The following PRSS22 variants were observed in gnomAD, a reference collection of about 807,000 sequenced individuals.
PRSS22 encodes the protein brain-specific serine protease 4.
A neutral mutation model predicts 28.0 loss-of-function variants in PRSS22; 26 were observed. The observed-to-expected ratio is 0.93, with a 90% confidence interval of 0.68 to 1.29. The LOEUF is 1.29. PRSS22 is among the 50% of genes most tolerant of loss of function. PRSS22 has a pLI of 0.00. For missense variants in PRSS22, 444 were observed against 422.1 expected (o/e 1.05, Z -0.46); for synonymous variants, 217 against 177.9 (o/e 1.22, Z -1.75).
intron 1 of PRSS22, chr16:2,857,188 GTCCCCA>G (rs2069467147): frequency 2.5e-5 from 8 of 325,608 alleles, no homozygotes; most frequent in Admixed American, 4.8e-5. Flanking sequence ...GTGAGGAGGG[GTCCCCA>G]GCGCCCAGTG....
At chr16:2,857,771 G>C (rs1479655588) in intron 1 of PRSS22, 1 of 367,032 alleles carries the variant, frequency 2.7e-6, no homozygotes, top group South Asian at 1.5e-4. Flanking sequence ...ACGGAGGCGA[G>C]AGGGAGCAGG....
chr16:2,855,315 T>C (rs1191521709), intron 4 of PRSS22, among the ~76,000 whole-genome samples: 3 of 126,104 alleles, frequency 2.4e-5, no homozygotes, highest in Admixed American at 1.0e-4. Flanking sequence ...ACCACTGCAC[T>C]CCAGCCTGGG....
rs2069424350 is a variant in PRSS22 at position 2,853,314 on chromosome 16, G to T, written c.733C>A (p.Pro245Thr). Residue 245 changes from proline (P) to threonine (T), a missense_variant, in exon 6 of 6, where the codon CCC becomes ACC. Pro to Thr is a conservative substitution (Grantham distance 38). Coordinates refer to ENST00000161006, the MANE Select transcript of PRSS22 (RefSeq NM_022119.4). The surrounding 1 kb of genome is among the most constrained non-coding windows in gnomAD (Gnocchi z 4.6). ...GCGCCGTCCACCTGGCACATGAGGG[G>T]GCCCCCGGAGTCGCCCTGCAGAGAG... ...RDACLGDSGG[P>T]LMCQVDGAWL... 3 of 1,597,076 alleles carry T rather than the reference G, an allele frequency of 1.9e-6. No homozygotes were observed. The highest frequency in any genetic ancestry group is 2.5e-6 in the Non-Finnish European group (3 of 1,178,772).
At chr16:2,857,836 TTTTC>T in intron 1 of PRSS22, 183 bp downstream of exon 1, 2 of 431,520 alleles carry the variant, frequency 4.6e-6, no homozygotes, top group Non-Finnish European at 7.8e-6. Context: ...ACTTGCTGCG[TTTTC>T]TGTTTCATCC....
In PRSS22 at chr16:2,853,222, G is replaced by A; in HGVS notation, c.825C>T (p.Tyr275=). The A allele has an allele frequency of 6.2e-7, 1 of 1,600,812 alleles. No homozygotes were observed. Among genetic ancestry groups the A allele is most frequent in the Admixed American group, 1.7e-5 (1 of 60,002 alleles). The change falls in exon 6 of 6, where the codon TAC becomes TAT. Residue 275 remains tyrosine, a synonymous_variant. Transcript: ENST00000161006. This position sits in a 1 kb window ranked among gnomAD's most constrained non-coding sequence, Gnocchi z 4.6. ...AGGAGCGGTGCGCAGAGAGGCTGAT[G>A]TAGACCCCGGGCCTGTTGCGCTCGG... is the stretch of plus-strand genomic sequence containing the variant. ...GCAERNRPGV[Y]ISLSAHRSWV... is the part of the protein sequence containing the mutation.
Position 2,856,244 on chromosome 16 carries a change from G to C in PRSS22, c.119C>G (p.Ala40Gly). ...GTTCAGCTGCTGGGGCTTCCCACAG[G>C]CTGGGGGAACTGGAGGGTACGGTCA... is the stretch of plus-strand genomic sequence containing the variant. ...LNAARIPVPP[A>G]CGKPQQLNRV... is the part of the protein sequence containing the mutation. The change falls in exon 3 of 6, where the codon GCC (alanine) becomes GGC (glycine). Residue 40 changes from alanine to glycine, a missense_variant. Transcript: ENST00000161006. The C allele has an allele frequency of 6.2e-7, 1 of 1,613,394 alleles. No individual in the cohort carries two copies. Among genetic ancestry groups the C allele is most frequent in the Admixed American group, 1.7e-5 (1 of 60,008 alleles).
intron 2 of PRSS22, 38 bp from the exon 3 acceptor site, chr16:2,856,291 C>G (rs761992493): frequency 6.2e-7 from 1 of 1,606,584 alleles, no homozygotes; most frequent in South Asian, 1.1e-5. Flanking sequence ...CTCCAACTTC[C>G]TACAACCCAC....
At position 2,856,078 on chromosome 16, in the gene PRSS22, A is replaced by G; in HGVS notation, c.281+4T>C. 2 of 1,613,598 alleles carry G rather than the reference A, an allele frequency of 1.2e-6. No individual in the cohort carries two copies. The highest frequency in any genetic ancestry group is 2.2e-5 in the East Asian group (1 of 44,874). Reference sequence around the variant, plus strand: ...ATCAAGTGCCCCAGGCCGGCTGTACATACTCCTTGAAACAGTGGGCAGCAG... The same window carrying G: ...ATCAAGTGCCCCAGGCCGGCTGTACGTACTCCTTGAAACAGTGGGCAGCAG... On this transcript the variant is annotated splice_donor_region_variant and intron_variant, in intron 3 of 5. Coordinates refer to ENST00000161006, the MANE Select transcript of PRSS22 (RefSeq NM_022119.4).
rs762746753 is a variant in PRSS22 at position 2,853,139 on chromosome 16, G to T, written c.908C>A (p.Ala303Asp). The T allele has an allele frequency of 2.5e-6, 4 of 1,597,206 alleles. No homozygotes were observed. Among genetic ancestry groups the T allele is most frequent in the Non-Finnish European group, 3.4e-6 (4 of 1,178,890 alleles). ...AGAGCCCTGGCTCGGTGCCCTGAGG[G>T]CCCCACCCCCCTGAGCGCGCCCGCG... ...QLRGRAQGGG[A>D]LRAPSQGSGA... Residue 303 changes from alanine (A) to aspartate (D), a missense_variant, in exon 6 of 6, where the codon GCC (alanine) becomes GAC (aspartate). Transcript: ENST00000161006. This position sits in a 1 kb window ranked among gnomAD's most constrained non-coding sequence, Gnocchi z 4.6.
In PRSS22 at chr16:2,853,759, G is replaced by A. The variant is rs1432514833; in HGVS notation, c.717+106C>T. ...GGGACTGTCAGGCACAGCCAGTTCT[G>A]GGGAGGAGGCCAGGGAGAGGTTGTG... On this transcript the variant is annotated intron_variant, in intron 5 of 5. Coordinates refer to ENST00000161006, the MANE Select transcript of PRSS22 (RefSeq NM_022119.4). The surrounding 1 kb of genome is among the most constrained non-coding windows in gnomAD (Gnocchi z 4.6). 2 of 1,304,670 alleles carry A rather than the reference G, an allele frequency of 1.5e-6. No homozygotes were observed. Among genetic ancestry groups the A allele is most frequent in the East Asian group, 2.4e-5 (1 of 41,822 alleles). 80.8% of individuals were successfully genotyped at this position (1,304,670 alleles called of 1,614,324 possible).
At position 2,856,181 on chromosome 16, in the gene PRSS22, C is replaced by T; in HGVS notation, c.182G>A (p.Trp61Ter). ...CTTCTGGATGCTCACGATCCAGGGC[C>T]ACTCGCTGTCAGTGCTGTCCTCGCC... Reference protein sequence around the residue: ...VGGEDSTDSEWPWIVSIQKNG... With the variant: ...VGGEDSTDSE Residue 61 changes from tryptophan to a stop codon, truncating the protein, a stop_gained, in exon 3 of 6, where the codon TGG becomes TAG. Coordinates refer to ENST00000161006, the MANE Select transcript of PRSS22 (RefSeq NM_022119.4). LOFTEE classifies it high-confidence loss of function. The T allele has an allele frequency of 6.2e-7, 1 of 1,613,884 alleles. No homozygotes were observed. The highest frequency in any genetic ancestry group is 1.1e-5 in the South Asian group (1 of 91,082).
Position 2,852,962 on chromosome 16 carries a change from G to A in PRSS22, c.*131C>T, listed in dbSNP as rs1395604629. Reference sequence around the variant, plus strand: ...AGGGGGTTTCCTTTCCGCAGCAGCCGTCCGGGCCCCCAGAGGTAGAGGTAG... The same window carrying A: ...AGGGGGTTTCCTTTCCGCAGCAGCCATCCGGGCCCCCAGAGGTAGAGGTAG... On this transcript the variant is annotated 3_prime_UTR_variant, in exon 6 of 6. Coordinates refer to ENST00000161006, the MANE Select transcript of PRSS22 (RefSeq NM_022119.4). 6.6e-6 allele frequency: 4 copies of A among 609,404 alleles called. No homozygotes were observed. Among genetic ancestry groups the A allele is most frequent in the East Asian group, 3.2e-5 (1 of 31,442 alleles). 37.7% of individuals were successfully genotyped at this position (609,404 alleles called of 1,614,324 possible). A position where few individuals can be genotyped will look rare whatever the true frequency, so the allele number is the denominator to read the frequency against.
rs556704172 is a variant in PRSS22 at position 2,855,587 on chromosome 16, G to C, written c.546C>G (p.Ser182Arg). 1.2e-6 allele frequency: 2 copies of C among 1,614,058 alleles called. No homozygotes were observed. Among genetic ancestry groups the C allele is most frequent in the Non-Finnish European group, 1.7e-6 (2 of 1,180,032 alleles). The change falls in exon 4 of 6, where the codon AGC becomes AGG. Residue 182 changes from serine (S) to arginine (R), a missense_variant. Coordinates refer to ENST00000161006, the MANE Select transcript of PRSS22 (RefSeq NM_022119.4). The part of the protein sequence containing the change: ...NTHCWISGWG[S>R]IQDGVPLPHP... ...AAGAAGCCGCACCTCCATCTTGGATGCTCCCCCAGCCTGAGATCCAGCAGT... is the reference window on the plus strand; with the variant it reads ...AAGAAGCCGCACCTCCATCTTGGATCCTCCCCCAGCCTGAGATCCAGCAGT...
chr16:2,858,151 C>T lies in PRSS22; in HGVS notation c.-47G>A, dbSNP rs2150830071. The stretch of plus-strand genomic sequence containing the variant: ...GGCAGCAGGCTCGAGAGACCCAGGG[C>T]GATGCGGGTCAGGGTGTGTAGGTTC... On this transcript the variant is annotated 5_prime_UTR_variant, in exon 1 of 6. Coordinates refer to ENST00000161006, the MANE Select transcript of PRSS22 (RefSeq NM_022119.4). The T allele has an allele frequency of 8.0e-7, 1 of 1,249,670 alleles. No homozygotes were observed. Among genetic ancestry groups the T allele is most frequent in the Non-Finnish European group, 1.0e-6 (1 of 992,256 alleles). The allele number at this position is 1,249,670 out of a possible 1,614,324, so 77.4% of individuals were successfully genotyped here. A position where few individuals can be genotyped will look rare whatever the true frequency, so the allele number is the denominator to read the frequency against.
At position 2,853,877 on chromosome 16, in the gene PRSS22, C is replaced by G. The variant is rs1410818469; in HGVS notation, c.705G>C (p.Arg235=). ...CGAGGGAGCTCACCAGACAAGCATC[C>G]CGCTCCCCCTCCAAGTAGCCGGCAC... is the stretch of plus-strand genomic sequence containing the variant. ...MLCAGYLEGE[R]DACLGDSGGP... The change falls in exon 5 of 6, where the codon CGG becomes CGC. Residue 235 remains arginine, a synonymous_variant. Transcript: ENST00000161006. The surrounding 1 kb of genome is among the most constrained non-coding windows in gnomAD (Gnocchi z 4.6). 6.2e-7 allele frequency: 1 copy of G among 1,614,018 alleles called. No homozygotes were observed. Among genetic ancestry groups the G allele is most frequent in the East Asian group, 2.2e-5 (1 of 44,874 alleles).
At chr16:2,856,722 G>T in intron 2 of PRSS22, 100 bp downstream of exon 2, 1 of 1,376,246 alleles carries the variant, frequency 7.3e-7, no homozygotes, top group Non-Finnish European at 1.0e-6. Context: ...TCTCACCCCA[G>T]CCCCTTTCTG....
chr16:2,853,898 G>T lies in PRSS22; in HGVS notation c.684C>A (p.Ala228=). 6.2e-7 allele frequency: 1 copy of T among 1,614,136 alleles called. No homozygotes were observed. The highest frequency in any genetic ancestry group is 8.5e-7 in the Non-Finnish European group (1 of 1,180,020). Residue 228 remains alanine, a synonymous_variant, in exon 5 of 6, where the codon GCC becomes GCA. Transcript: ENST00000161006. The surrounding 1 kb of genome is among the most constrained non-coding windows in gnomAD (Gnocchi z 4.6). ...CATCCCGCTCCCCCTCCAAGTAGCC[G>T]GCACACAGCATGTCCTCAGTGATGG... ...QGPITEDMLC[A]GYLEGERDAC... is the part of the protein sequence containing the mutation.
chr16:2,857,354 G>A (rs1389415661), intron 1 of PRSS22, among the ~76,000 whole-genome samples: 1 of 148,314 alleles, frequency 6.7e-6, no homozygotes, highest in African/African-American at 2.5e-5. Context: ...CAGTGAGGAG[G>A]GGGTCCCAGC....
intron 4 of PRSS22, 49 bp downstream of exon 4, chr16:2,855,525 C>A (rs772361402): frequency 6.2e-7 from 1 of 1,603,446 alleles, no homozygotes; most frequent in Non-Finnish European, 8.5e-7. Context: ...TGTCTGCCAT[C>A]CTCTGTCCCC....
Sources: gnomAD v4.1 joint callset for allele counts (sites outside exome capture counted in the v4.1 genomes callset) on GRCh38, gnomAD v4.1.1 for gene constraint, Gnocchi (gnomAD v3.1) non-coding constraint, MANE v1.5 for transcripts, NCBI Gene and HGNC (gene_info 2026-07-23, HGNC 2026-07-21) for gene names.